The following GABRG3 variants were observed in gnomAD, a reference collection of about 807,000 sequenced individuals.
GABRG3 encodes the protein gamma-aminobutyric acid type A receptor subunit gamma3, also known as gamma-aminobutyric acid receptor subunit gamma-3.
In GABRG3, 25 loss-of-function variants were observed where a neutral mutation model predicts 48.8. The ratio of observed to expected loss-of-function variants is 0.51; its 90% confidence interval spans 0.37 to 0.72. The LOEUF (loss-of-function observed/expected upper bound fraction) is 0.72, where lower values mean the gene tolerates loss of function less well. GABRG3 is among the 30% of genes least tolerant of loss of function. GABRG3 has a pLI of 0.00. For missense variants in GABRG3, 394 were observed against 577.9 expected, an observed-to-expected ratio of 0.68 and a Z score of 3.26; for synonymous variants, 227 against 217.6, an observed-to-expected ratio of 1.04 and a Z score of -0.38.
At chr15:27,291,265 C>T (rs531653290) in intron 3 of GABRG3, among the ~76,000 whole-genome samples, 1 of 152,268 alleles carries the variant, frequency 6.6e-6, no homozygotes, top group African/African-American at 2.4e-5. Flanking sequence ...GAAAGTAGAT[C>T]AATGGTTAAT....
chr15:27,448,105 T>C (rs1888996559), intron 5 of GABRG3, among the ~76,000 whole-genome samples: 1 of 148,996 alleles, frequency 6.7e-6, no homozygotes, highest in Non-Finnish European at 1.5e-5. Context: ...ATGTATTAAG[T>C]AAAACACCAA....
intron 3 of GABRG3, among the ~76,000 whole-genome samples, chr15:27,156,074 C>T (rs1471800943): frequency 2.0e-5 from 3 of 151,756 alleles, no homozygotes; most frequent in East Asian, 1.9e-4. Context: ...CTGAGGCAGG[C>T]GGATCATGAG....
chr15:27,463,578 A>G (rs1012584201), intron 5 of GABRG3, among the ~76,000 whole-genome samples: 1 of 152,134 alleles, frequency 6.6e-6, no homozygotes, highest in Non-Finnish European at 1.5e-5. Context: ...CAAAAGTGAG[A>G]TATTGAAACC....
intron 5 of GABRG3, among the ~76,000 whole-genome samples, chr15:27,479,682 C>T (rs1315669032): frequency 3.3e-5 from 5 of 152,218 alleles, no homozygotes; most frequent in African/African-American, 1.2e-4. Context: ...TCTTCCAGAG[C>T]CATGCCATCA....
At position 27,057,897 on chromosome 15, in the gene GABRG3, G is replaced by T. The variant is rs144179833; in HGVS notation, c.270+31076G>T. 4.3e-3 allele frequency among the ~76,000 whole-genome samples: 662 copies of T among 152,280 alleles called. 5 individuals are homozygous for T. The highest frequency in any genetic ancestry group is 0.015 in the African/African-American group (618 of 41,550). On this transcript the variant is annotated intron_variant, in intron 3 of 9. Transcript: ENST00000615808. ...ACCAGAAGGAAAGTCATGACAGTCC[G>T]CTCCCATTGCAACTCGAGAGGATGT...
At chr15:27,424,909 C>T (rs577781231) in intron 5 of GABRG3, among the ~76,000 whole-genome samples, 28 of 152,200 alleles carry the variant, frequency 1.8e-4, no homozygotes, top group South Asian at 1.7e-3. Flanking sequence ...GTATGAACTA[C>T]GGGGACACAT....
intron 3 of GABRG3, among the ~76,000 whole-genome samples, chr15:27,247,692 C>T (rs551417203): frequency 2.1e-4 from 32 of 152,258 alleles, no homozygotes; most frequent in Admixed American, 9.2e-4. Context: ...ATTGGAATTA[C>T]GGTCTCACAT....
At chr15:27,220,031 G>A (rs760714718) in intron 3 of GABRG3, among the ~76,000 whole-genome samples, 1 of 152,148 alleles carries the variant, frequency 6.6e-6, no homozygotes, top group African/African-American at 2.4e-5. Flanking sequence ...TACTGTCACT[G>A]GGATTCGCAG....
At chr15:27,017,250 T>C (rs1040993229) in intron 2 of GABRG3, among the ~76,000 whole-genome samples, 1 of 152,174 alleles carries the variant, frequency 6.6e-6, no homozygotes, top group Admixed American at 6.5e-5. Flanking sequence ...TCCCCGGACT[T>C]GCACACTTAA....
At chr15:27,351,260 GGT>G (rs779961574) in intron 5 of GABRG3, among the ~76,000 whole-genome samples, 29 of 144,940 alleles carry the variant, frequency 2.0e-4, no homozygotes, top group African/African-American at 7.6e-4. Flanking sequence ...TTGTGTGTAT[GGT>G]GTGTGTGTTT....
chr15:27,373,185 C>T (rs1895471353), intron 5 of GABRG3, among the ~76,000 whole-genome samples: 1 of 152,032 alleles, frequency 6.6e-6, no homozygotes, highest in African/African-American at 2.4e-5. Context: ...TGTATTTCTA[C>T]CTAGGAAATA....
At chr15:27,249,790 A>G (rs572977044) in intron 3 of GABRG3, among the ~76,000 whole-genome samples, 5 of 152,184 alleles carry the variant, frequency 3.3e-5, no homozygotes, top group Non-Finnish European at 7.3e-5. Context: ...ACCGTGGGGG[A>G]GGAATGGCAA....
chr15:27,533,502 T>C lies in GABRG3; in HGVS notation c.*621T>C, dbSNP rs1305400177. The C allele has an allele frequency of 1.3e-5, 2 of 152,356 alleles. No individual in the cohort carries two copies. Among genetic ancestry groups the C allele is most frequent in the African/African-American group, 4.8e-5 (2 of 41,456 alleles). 9.4% of individuals were successfully genotyped at this position (152,356 alleles called of 1,614,324 possible). A position where few individuals can be genotyped will look rare whatever the true frequency, so the allele number is the denominator to read the frequency against. ...AGAGTACACTCGCATTGTCTACGGT[T>C]TCCATTGGAGGAGAAAATAAGATTT... On this transcript the variant is annotated 3_prime_UTR_variant, in exon 10 of 10. Transcript: ENST00000615808.
chr15:27,175,531 A>G (rs1177829137), intron 3 of GABRG3, among the ~76,000 whole-genome samples: 1 of 152,252 alleles, frequency 6.6e-6, no homozygotes, highest in Admixed American at 6.5e-5. Flanking sequence ...ATTCAGAAAC[A>G]CTGCAGCCAC....
chr15:27,155,420 T>G (rs1266422458), intron 3 of GABRG3, among the ~76,000 whole-genome samples: 1 of 152,246 alleles, frequency 6.6e-6, no homozygotes, highest in Admixed American at 6.5e-5. Flanking sequence ...GGTATAGATG[T>G]CAACTGATTA....
chr15:27,321,911 T>TTA (rs551192561), intron 3 of GABRG3, among the ~76,000 whole-genome samples: 1 of 152,382 alleles, frequency 6.6e-6, no homozygotes, highest in East Asian at 1.9e-4. Context: ...AATTCGTGGC[T>TTA]TATTTGGAAA....
At position 27,436,995 on chromosome 15, in the gene GABRG3, T is replaced by TAGAGAGAGAGAGAG. The variant is rs10549691; in HGVS notation, c.575-43630_575-43617dup. Among the ~76,000 whole-genome samples the TAGAGAGAGAGAGAG allele has an allele frequency of 1.5e-3, 194 of 130,570 alleles. 1 individual carries two copies. The highest frequency in any genetic ancestry group is 5.0e-3 in the African/African-American group (178 of 35,308). The allele number at this position is 130,570 out of a possible 152,430, so 85.7% of individuals were successfully genotyped here. A position where few individuals can be genotyped will look rare whatever the true frequency, so the allele number is the denominator to read the frequency against. On this transcript the variant is annotated intron_variant, in intron 5 of 9. Coordinates refer to ENST00000615808, the MANE Select transcript of GABRG3 (RefSeq NM_033223.5). Reference sequence around the variant, plus strand: ...TGGGTGAGACTCCTTCTCCGAAAAATAGAGAGAGAGAGAGAGAGAGAGAGA... The same window carrying TAGAGAGAGAGAGAG: ...TGGGTGAGACTCCTTCTCCGAAAAATAGAGAGAGAGAGAGAGAGAGAGAGAGAGAGAGAGAGAGA...
chr15:27,161,886 A>C (rs1595560088), intron 3 of GABRG3, among the ~76,000 whole-genome samples: 1 of 152,246 alleles, frequency 6.6e-6, no homozygotes. Context: ...AGGATGTGAA[A>C]CCTAATGCAG....
At chr15:27,153,928 C>G (rs1049514794) in intron 3 of GABRG3, among the ~76,000 whole-genome samples, 1 of 152,114 alleles carries the variant, frequency 6.6e-6, no homozygotes, top group Non-Finnish European at 1.5e-5. Context: ...CTTTTGACAT[C>G]ACTTGTAAAT....
Sources: allele counts gnomAD v4.1 joint callset (sites outside exome capture counted in the v4.1 genomes callset), GRCh38; gene constraint gnomAD v4.1.1; transcripts MANE v1.5; gene names NCBI Gene and HGNC (gene_info 2026-07-23, HGNC 2026-07-21).